Variants in MTMR7 observed in about 807,000 individuals in gnomAD.
MTMR7 encodes phosphatidylinositol-3-phosphate phosphatase MTMR7.
Under a neutral mutation model 81.2 loss-of-function variants are expected in MTMR7, and 76 were observed. The ratio of observed to expected loss-of-function variants is 0.94; its 90% CI spans 0.78 to 1.13. The LOEUF (loss-of-function observed/expected upper bound fraction) is 1.13, where lower values mean the gene tolerates loss of function less well. Among genes scored for constraint, MTMR7 ranks in the 50% most tolerant of loss-of-function variants. The pLI, the probability that MTMR7 is intolerant of heterozygous loss-of-function variation, is 0.00. For synonymous variants in MTMR7, 372 were observed against 289.8 expected (o/e 1.28, Z -2.88); for missense variants, 1,044 against 820.0 (o/e 1.27, Z -3.34).
chr8:17,339,451 G>A (rs11203842), intron 6 of MTMR7, among the ~76,000 whole-genome samples: 10,990 of 151,984 alleles, frequency 0.072, 739 homozygotes, highest in East Asian at 0.31. Context: ...CCCAGCCCTC[G>A]GCAACCATCA....
At chr8:17,379,113 G>A (rs1364137682) in intron 1 of MTMR7, among the ~76,000 whole-genome samples, 21 of 152,126 alleles carry the variant, frequency 1.4e-4, no homozygotes, top group Admixed American at 1.3e-3. Flanking sequence ...GAGAGAGGGA[G>A]TGTCTATGTC....
intron 1 of MTMR7, among the ~76,000 whole-genome samples, chr8:17,410,676 C>G (rs1267079915): frequency 6.6e-6 from 1 of 152,202 alleles, no homozygotes; most frequent in Non-Finnish European, 1.5e-5. Context: ...CATACATGCA[C>G]CCCTAGAAAG....
chr8:17,370,971 T>A (rs907165035), intron 3 of MTMR7, 66 bp downstream of exon 3: 10 of 1,517,928 alleles, frequency 6.6e-6, no homozygotes, highest in Non-Finnish European at 9.0e-6. Flanking sequence ...CCATACAAAT[T>A]CTTGAATCTG....
Position 17,304,413 on chromosome 8 carries a change from G to A in MTMR7, c.1459C>T (p.His487Tyr), listed in dbSNP as rs143013897. ...AAGTTACATGGTGTTGTAGGGAGAT[G>A]AAGGGTTCCCTGAGTCTGGCTGTGA... ...ADHSQTQGTLHLPTTPCNFMY... is the reference protein window; with the variant it reads ...ADHSQTQGTLYLPTTPCNFMY... Residue 487 changes from histidine (H) to tyrosine (Y), a missense_variant, in exon 12 of 14, where the codon CAT becomes TAT. His to Tyr is a moderately conservative substitution (Grantham distance 83). Coordinates refer to ENST00000180173, the MANE Select transcript of MTMR7 (RefSeq NM_004686.5). The A allele has an allele frequency of 6.8e-6, 11 of 1,613,934 alleles. No individual in the cohort carries two copies. The highest frequency in any genetic ancestry group is 9.3e-6 in the Non-Finnish European group (11 of 1,179,946).
intron 1 of MTMR7, among the ~76,000 whole-genome samples, chr8:17,384,209 G>A (rs768992732): frequency 4.6e-5 from 7 of 152,028 alleles, no homozygotes; most frequent in Non-Finnish European, 8.8e-5. Flanking sequence ...CCGACAGTTC[G>A]AGACCAGCCT....
rs1036725641 is a variant in MTMR7 at position 17,298,191 on chromosome 8, C to A, written c.*1671G>T. The A allele has an allele frequency of 6.6e-6, 1 of 151,992 alleles. No homozygotes were observed. Among genetic ancestry groups the A allele is most frequent in the Non-Finnish European group, 1.5e-5 (1 of 67,924 alleles). 9.4% of individuals were successfully genotyped at this position (151,992 alleles called of 1,614,324 possible). On this transcript the variant is annotated 3_prime_UTR_variant, in exon 14 of 14. Coordinates refer to ENST00000180173, the MANE Select transcript of MTMR7 (RefSeq NM_004686.5). ...ATGTTATGTTATAAAAATGTGAAAG[C>A]CATTACCACTATATCCTAAGTTTTA...
chr8:17,299,681 C>T lies in MTMR7; in HGVS notation c.*181G>A. ...TCCTTATATTTGATAAATGAAATGACTACGTCCTCTTCAGTATCTAAGAAA... is the reference window on the plus strand; with the variant it reads ...TCCTTATATTTGATAAATGAAATGATTACGTCCTCTTCAGTATCTAAGAAA... On this transcript the variant is annotated 3_prime_UTR_variant, in exon 14 of 14. Transcript: ENST00000180173. 1.4e-6 allele frequency: 1 copy of T among 739,274 alleles called. No homozygotes were observed. The highest frequency in any genetic ancestry group is 2.2e-6 in the Non-Finnish European group (1 of 463,280). The allele number at this position is 739,274 out of a possible 1,614,324, so 45.8% of individuals were successfully genotyped here.
chr8:17,313,178 T>A (rs10113185), intron 8 of MTMR7, 114 bp downstream of exon 8: 2 of 658,248 alleles, frequency 3.0e-6, no homozygotes, highest in African/African-American at 3.6e-5. Context: ...AAGCTGGCTA[T>A]CCAGTCAGTG....
intron 1 of MTMR7, among the ~76,000 whole-genome samples, chr8:17,411,535 T>C (rs989749609): frequency 1.3e-5 from 2 of 152,206 alleles, no homozygotes; most frequent in African/African-American, 2.4e-5. Context: ...ATGAATCCGA[T>C]CCATCCAACC....
intron 1 of MTMR7, among the ~76,000 whole-genome samples, chr8:17,384,208 C>T (rs1820854998): frequency 6.6e-6 from 1 of 151,980 alleles, no homozygotes; most frequent in South Asian, 2.1e-4. Flanking sequence ...GCCGACAGTT[C>T]GAGACCAGCC....
In MTMR7 at chr8:17,297,965, A is replaced by AAAAC. The variant is rs1816833696; in HGVS notation, c.*1893_*1896dup. 6.6e-6 allele frequency: 1 copy of AAAAC among 152,092 alleles called. No homozygotes were observed. Among genetic ancestry groups the AAAAC allele is most frequent in the Admixed American group, 6.5e-5 (1 of 15,268 alleles). 9.4% of individuals were successfully genotyped at this position (152,092 alleles called of 1,614,324 possible). A position where few individuals can be genotyped will look rare whatever the true frequency, so the allele number is the denominator to read the frequency against. ...TTGTCATATTAAAAAACTACATTTT[A>AAAAC]AAACATCAAATATTTATACTATTTG... On this transcript the variant is annotated 3_prime_UTR_variant, in exon 14 of 14. Transcript: ENST00000180173.
intron 5 of MTMR7, among the ~76,000 whole-genome samples, chr8:17,345,049 G>A (rs960028247): frequency 3.3e-5 from 5 of 152,104 alleles, no homozygotes; most frequent in African/African-American, 9.7e-5. Context: ...AATTCCGAAC[G>A]CACATGACTA....
chr8:17,310,099 C>G (rs568054486), intron 9 of MTMR7, among the ~76,000 whole-genome samples: 4 of 152,094 alleles, frequency 2.6e-5, no homozygotes, highest in African/African-American at 9.7e-5. Flanking sequence ...CTCCTGAGCT[C>G]GAGCGATCCT....
intron 1 of MTMR7, among the ~76,000 whole-genome samples, chr8:17,400,566 T>C (rs1225674878): frequency 6.6e-6 from 1 of 152,218 alleles, no homozygotes; most frequent in Non-Finnish European, 1.5e-5. Flanking sequence ...CTCTACATTA[T>C]CAAGCGTTAC....
chr8:17,373,476 A>T (rs918159259), intron 1 of MTMR7, among the ~76,000 whole-genome samples: 2 of 152,208 alleles, frequency 1.3e-5, no homozygotes, highest in Non-Finnish European at 2.9e-5. Context: ...ACCACAAAAG[A>T]TGTGTAGATC....
At chr8:17,322,415 G>C (rs191995732) in intron 7 of MTMR7, among the ~76,000 whole-genome samples, 22 of 152,302 alleles carry the variant, frequency 1.4e-4, no homozygotes, top group African/African-American at 5.1e-4. Flanking sequence ...GAATTTTTGT[G>C]TCTAAAGACA....
intron 9 of MTMR7, among the ~76,000 whole-genome samples, chr8:17,311,193 CTTGAAATACTTAT>C (rs1586156195): frequency 6.6e-6 from 1 of 152,156 alleles, no homozygotes; most frequent in Admixed American, 6.5e-5. Context: ...TTACCTCAAA[CTTGAAATACTTAT>C]GAGCAAATGA....
chr8:17,402,982 C>T (rs143782082), intron 1 of MTMR7, among the ~76,000 whole-genome samples: 170 of 152,288 alleles, frequency 1.1e-3, no homozygotes, highest in African/African-American at 3.5e-3. Context: ...TTGATTTTCA[C>T]TTCTCTGATG....
At chr8:17,352,061 A>C (rs1819745455) in intron 4 of MTMR7, among the ~76,000 whole-genome samples, 1 of 152,178 alleles carries the variant, frequency 6.6e-6, no homozygotes, top group African/African-American at 2.4e-5. Flanking sequence ...TCAAAATCTC[A>C]AGGGCATTTT....
Sources: gnomAD v4.1 joint callset for allele counts (sites outside exome capture counted in the v4.1 genomes callset) on GRCh38, gnomAD v4.1.1 for gene constraint, MANE v1.5 for transcripts, NCBI Gene and HGNC (gene_info 2026-07-23, HGNC 2026-07-21) for gene names.